SPATA16: variants seen among roughly 807,000 people sequenced by gnomAD.
SPATA16 encodes the protein spermatogenesis associated 16.
A neutral mutation model predicts 63.3 loss-of-function variants in SPATA16; 36 were observed. The ratio of observed to expected loss-of-function variants is 0.57; its 90% CI spans 0.44 to 0.75. The LOEUF (loss-of-function observed/expected upper bound fraction) is 0.75, where lower values mean the gene tolerates loss of function less well. Among genes scored for constraint, SPATA16 ranks in the 30% least tolerant of loss-of-function variants. The pLI, the probability that SPATA16 is intolerant of heterozygous loss-of-function variation, is 0.00. For synonymous variants in SPATA16, 203 were observed against 216.7 expected, an observed-to-expected ratio of 0.94 and a Z score of 0.56; for missense variants, 646 against 679.3, an observed-to-expected ratio of 0.95 and a Z score of 0.54.
At chr3:173,064,441 G>T (rs7645546) in intron 2 of SPATA16, among the ~76,000 whole-genome samples, 63,864 of 151,454 alleles carry the variant, frequency 0.42, 14,928 homozygotes, top group African/African-American at 0.64. Flanking sequence ...GCAGTATTAA[G>T]TATTTTGGCA....
In SPATA16 at chr3:172,925,859, C is replaced by T. The variant is rs552332153; in HGVS notation, c.1082-367G>A. On this transcript the variant is annotated intron_variant, in intron 6 of 10. Transcript: ENST00000351008. ...CTTTTTTTTTAGATGGAGTCTTGCTCTTGTCGCCCAGGCTGGAATGTAATG... is the reference window on the plus strand; with the variant it reads ...CTTTTTTTTTAGATGGAGTCTTGCTTTTGTCGCCCAGGCTGGAATGTAATG... Among the ~76,000 whole-genome samples, 3 of 151,986 alleles carry T rather than the reference C, an allele frequency of 2.0e-5. No homozygotes were observed. In the East Asian group the frequency reaches 5.8e-4, roughly 29 times the overall value.
intron 6 of SPATA16, among the ~76,000 whole-genome samples, chr3:172,939,311 T>C (rs951994370): frequency 2.0e-5 from 3 of 152,272 alleles, no homozygotes; most frequent in Non-Finnish European, 4.4e-5. Flanking sequence ...CTGGTCATAA[T>C]GTACCAAGCA....
chr3:172,991,537 T>C (rs1734577511), intron 4 of SPATA16, among the ~76,000 whole-genome samples: 1 of 152,204 alleles, frequency 6.6e-6, no homozygotes, highest in Non-Finnish European at 1.5e-5. Flanking sequence ...TGCAGCCAGC[T>C]GAACTGCTGG....
At chr3:173,026,537 T>A (rs1735457872) in intron 3 of SPATA16, among the ~76,000 whole-genome samples, 1 of 151,962 alleles carries the variant, frequency 6.6e-6, no homozygotes, top group South Asian at 2.1e-4. Context: ...AGAATTTCTT[T>A]CATATTTTCT....
chr3:172,920,369 A>T (rs776280354), intron 8 of SPATA16, among the ~76,000 whole-genome samples: 2 of 152,218 alleles, frequency 1.3e-5, no homozygotes, highest in Non-Finnish European at 2.9e-5. Flanking sequence ...CTAGTTAATG[A>T]CCAGGACTGC....
intron 6 of SPATA16, among the ~76,000 whole-genome samples, chr3:172,935,551 A>T (rs576116661): frequency 6.6e-6 from 1 of 152,340 alleles, no homozygotes; most frequent in Admixed American, 6.5e-5. Context: ...AAGAATTTAC[A>T]AATATAAGTC....
chr3:172,937,328 T>C (rs968615845), intron 6 of SPATA16, among the ~76,000 whole-genome samples: 5 of 152,172 alleles, frequency 3.3e-5, no homozygotes, highest in Admixed American at 6.6e-5. Flanking sequence ...CAGTTAGTTA[T>C]TAAATGTAAA....
chr3:172,976,832 A>C, intron 5 of SPATA16, 136 bp downstream of exon 5: 1 of 733,242 alleles, frequency 1.4e-6, no homozygotes, highest in East Asian at 2.7e-5. Context: ...TTATGAATAC[A>C]TTATTATTCA....
At chr3:173,015,142 C>G (rs1319406688) in intron 4 of SPATA16, among the ~76,000 whole-genome samples, 1 of 151,500 alleles carries the variant, frequency 6.6e-6, no homozygotes, top group Non-Finnish European at 1.5e-5. Context: ...CCACTCACCG[C>G]AAGCCCCGCC....
chr3:172,997,924 A>G (rs557521469), intron 4 of SPATA16, among the ~76,000 whole-genome samples: 1 of 152,088 alleles, frequency 6.6e-6, no homozygotes, highest in African/African-American at 2.4e-5. Flanking sequence ...ATGTGGATCT[A>G]TATCTTGATT....
At chr3:172,913,567 C>T (rs1400751010) in intron 10 of SPATA16, 94 bp downstream of exon 10, 2 of 1,235,680 alleles carry the variant, frequency 1.6e-6, no homozygotes, top group African/African-American at 1.5e-5. Flanking sequence ...AACCAAAGAA[C>T]TTGGGTTTCT....
At chr3:173,124,118 C>T (rs766254812) in intron 1 of SPATA16, among the ~76,000 whole-genome samples, 6 of 152,142 alleles carry the variant, frequency 3.9e-5, no homozygotes, top group East Asian at 3.9e-4. Context: ...AACTGTACTT[C>T]GTCGTATCTC....
chr3:173,071,821 A>G, intron 2 of SPATA16, among the ~76,000 whole-genome samples: 1 of 152,232 alleles, frequency 6.6e-6, no homozygotes, highest in East Asian at 1.9e-4. Context: ...AGAATGCTCA[A>G]CGTCACTAAT....
At chr3:172,980,038 T>C (rs1734262016) in intron 4 of SPATA16, among the ~76,000 whole-genome samples, 1 of 152,234 alleles carries the variant, frequency 6.6e-6, no homozygotes, top group African/African-American at 2.4e-5. Flanking sequence ...GCTGTGCTTT[T>C]ACTACCTGCC....
At chr3:173,003,608 A>C (rs1734875936) in intron 4 of SPATA16, among the ~76,000 whole-genome samples, 3 of 152,240 alleles carry the variant, frequency 2.0e-5, no homozygotes, top group Admixed American at 2.0e-4. Flanking sequence ...AGCATCTGAC[A>C]AAGTTTGGCA....
intron 4 of SPATA16, among the ~76,000 whole-genome samples, chr3:173,007,987 T>G (rs1245598634): frequency 6.6e-6 from 1 of 152,190 alleles, no homozygotes; most frequent in African/African-American, 2.4e-5. Context: ...CATATTCATA[T>G]GTACATTTAG....
chr3:173,065,437 G>A (rs1454118205), intron 2 of SPATA16, among the ~76,000 whole-genome samples: 1 of 152,042 alleles, frequency 6.6e-6, no homozygotes, highest in Admixed American at 6.6e-5. Context: ...GGAGATAGGC[G>A]GCAGAGCAAG....
intron 3 of SPATA16, among the ~76,000 whole-genome samples, chr3:173,034,719 G>T (rs1312175670): frequency 1.3e-5 from 2 of 152,086 alleles, no homozygotes; most frequent in Non-Finnish European, 2.9e-5. Flanking sequence ...AGGTTATATA[G>T]TATAGTTTGA....
In SPATA16 at chr3:173,068,971, G is replaced by A. The variant is rs374168825; in HGVS notation, c.613-19877C>T. On this transcript the variant is annotated intron_variant, in intron 2 of 10. Transcript: ENST00000351008. Reference sequence around the variant, plus strand: ...TAAAAATACAAAAAATTAGCCGGGCGTGGTGGCAGGCGCCTGTAGTCCCAG... The same window carrying A: ...TAAAAATACAAAAAATTAGCCGGGCATGGTGGCAGGCGCCTGTAGTCCCAG... Among the ~76,000 whole-genome samples, 17 of 151,552 alleles carry A rather than the reference G, an allele frequency of 1.1e-4. 1 individual carries two copies. Among genetic ancestry groups the A allele is most frequent in the Admixed American group, 2.6e-4 (4 of 15,252 alleles).
Sources: allele counts gnomAD v4.1 joint callset (sites outside exome capture counted in the v4.1 genomes callset), GRCh38; gene constraint gnomAD v4.1.1; transcripts MANE v1.5; gene names NCBI Gene and HGNC (gene_info 2026-07-23, HGNC 2026-07-21).